The following SOCS2 variants were observed in gnomAD, a reference collection of about 807,000 sequenced individuals.
The protein encoded by SOCS2 is suppressor of cytokine signaling 2, also known as CIS-2.
In SOCS2, 10 loss-of-function variants were observed where a neutral mutation model predicts 18.6. The ratio of observed to expected loss-of-function variants is 0.54; its 90% confidence interval spans 0.33 to 0.91. The LOEUF (loss-of-function observed/expected upper bound fraction) is 0.91, where lower values mean the gene tolerates loss of function less well. SOCS2 is among the 40% of genes least tolerant of loss of function. The pLI is 0.02. For synonymous variants in SOCS2, 104 were observed against 104.0 expected (o/e 1.00, Z 0.00); for missense variants, 231 against 247.2 (o/e 0.93, Z 0.44).
the SOCS2 span, among the ~76,000 whole-genome samples, chr12:93,609,266 C>T: frequency 7.2e-5 from 11 of 152,158 alleles, no homozygotes; most frequent in Non-Finnish European, 1.5e-4. Context: ...GTGGTGTGTG[C>T]CTGTAATCCC....
At chr12:93,622,230 C>T in the SOCS2 span, among the ~76,000 whole-genome samples, 2 of 152,162 alleles carry the variant, frequency 1.3e-5, no homozygotes, top group Non-Finnish European at 1.5e-5. Context: ...AGGAATGCAC[C>T]TTGGTAGTGT....
At chr12:93,593,072 T>G in the SOCS2 span, among the ~76,000 whole-genome samples, 1 of 152,168 alleles carries the variant, frequency 6.6e-6, no homozygotes, top group Non-Finnish European at 1.5e-5. Flanking sequence ...TCTCCCCTTT[T>G]GTGTTTGTTT....
At chr12:93,570,165 G>C (rs1459261014), upstream of SOCS2, 1 of 152,296 alleles carries the variant, frequency 6.6e-6, no homozygotes, top group African/African-American at 2.4e-5. Flanking sequence ...TGAGGGAACC[G>C]AGGCCAGTCA....
At chr12:93,614,397 CTTTCTTTCTTTCTTTCTTTCTT>C in the SOCS2 span, among the ~76,000 whole-genome samples, 1 of 141,136 alleles carries the variant, frequency 7.1e-6, no homozygotes, top group South Asian at 2.3e-4. Flanking sequence ...TTCTTTCTTT[CTTTCTTTCTTTCTTTCTTTCTT>C]CCTTTCTTTC....
chr12:93,572,235 G>A (rs1206789587), upstream of SOCS2: 6 of 175,326 alleles, frequency 3.4e-5, no homozygotes, highest in Non-Finnish European at 2.4e-5. The surrounding 1 kb of genome is among the most constrained non-coding windows in gnomAD (Gnocchi z 5.0). Flanking sequence ...AACCAAGTTT[G>A]TGTGGGTGCT....
the SOCS2 span, among the ~76,000 whole-genome samples, chr12:93,623,053 G>C: frequency 6.6e-6 from 1 of 152,192 alleles, no homozygotes; most frequent in Admixed American, 6.5e-5. Context: ...ATAACCTGCA[G>C]CACTGATAGC....
chr12:93,577,700 G>A (rs1247049212), downstream of SOCS2, among the ~76,000 whole-genome samples: 1 of 151,792 alleles, frequency 6.6e-6, no homozygotes, highest in Non-Finnish European at 1.5e-5. Flanking sequence ...GTGCTCTGTG[G>A]GATTCTGGTC....
chr12:93,573,158 G>A, intron 1 of SOCS2, 122 bp downstream of exon 1: 4 of 1,296,866 alleles, frequency 3.1e-6, no homozygotes, highest in Non-Finnish European at 4.2e-6. Flanking sequence ...GCTTCCAAGG[G>A]ACCGCGGAGA....
chr12:93,572,444 C>T (rs1954289191), upstream of SOCS2: 1 of 356,150 alleles, frequency 2.8e-6, no homozygotes, highest in Non-Finnish European at 5.5e-6. This position sits in a 1 kb window ranked among gnomAD's most constrained non-coding sequence, Gnocchi z 5.0. Context: ...GGAAGACACC[C>T]TGTTCACCCT....
chr12:93,573,022 A>AGG lies in SOCS2; in HGVS notation c.126_127insGG (p.Leu43GlyfsTer12). The AGG allele has an allele frequency of 1.3e-6, 2 of 1,565,992 alleles. No individual in the cohort carries two copies. Among genetic ancestry groups the AGG allele is most frequent in the Non-Finnish European group, 1.7e-6 (2 of 1,159,898 alleles). ...GCGCGTCTGGCGAAGGCCCTGCGGG[A>AGG]GCTCGGTCAGACAGGTAGGGAGCCG... On this transcript the variant is annotated frameshift_variant, in exon 1 of 2. Coordinates refer to ENST00000551556, the MANE Select transcript of SOCS2 (RefSeq NM_001270471.2). LOFTEE classifies it high-confidence loss of function.
chr12:93,575,121 G>C lies in SOCS2; in HGVS notation c.539G>C (p.Gly180Ala), dbSNP rs1409778290. 1 of 1,596,170 alleles carries C rather than the reference G, an allele frequency of 6.3e-7. No individual in the cohort carries two copies. Among genetic ancestry groups the C allele is most frequent in the African/African-American group, 1.3e-5 (1 of 74,092 alleles). Reference protein sequence around the residue: ...TINKCTGAIWGLPLPTRLKDY... With the variant: ...TINKCTGAIWALPLPTRLKDY... ...AACAAATGTACCGGTGCCATCTGGG[G>C]ACTGCCTTTACCAACAAGACTAAAA... Residue 180 changes from glycine to alanine, a missense_variant, in exon 2 of 2, where the codon GGA (glycine) becomes GCA (alanine). Transcript: ENST00000551556.
chr12:93,597,268 C>T, the SOCS2 span, among the ~76,000 whole-genome samples: 1 of 152,138 alleles, frequency 6.6e-6, no homozygotes, highest in African/African-American at 2.4e-5. Flanking sequence ...ATAGTGACTC[C>T]CACATTCCTA....
chr12:93,599,867 C>A, the SOCS2 span, among the ~76,000 whole-genome samples: 10 of 152,296 alleles, frequency 6.6e-5, no homozygotes, highest in Non-Finnish European at 1.3e-4. Context: ...TTAGATTTCC[C>A]AGCCCATAGA....
the SOCS2 span, among the ~76,000 whole-genome samples, chr12:93,615,630 C>T: frequency 6.6e-6 from 1 of 152,244 alleles, no homozygotes; most frequent in African/African-American, 2.4e-5. Flanking sequence ...GAGTCTCGAT[C>T]TGTCACCCAG....
intron 1 of SOCS2, among the ~76,000 whole-genome samples, chr12:93,582,721 G>T (rs1954556890): frequency 6.6e-6 from 1 of 152,116 alleles, no homozygotes; most frequent in Non-Finnish European, 1.5e-5. Flanking sequence ...TGGAAAACTT[G>T]GGGTCCACTC....
chr12:93,587,290 C>G (rs1954590345), downstream of SOCS2, among the ~76,000 whole-genome samples: 1 of 152,220 alleles, frequency 6.6e-6, no homozygotes, highest in Admixed American at 6.5e-5. Flanking sequence ...ACGGAGGTCT[C>G]TGCAAAGAGC....
the SOCS2 span, among the ~76,000 whole-genome samples, chr12:93,592,689 T>G: frequency 5.9e-5 from 9 of 152,244 alleles, no homozygotes; most frequent in Non-Finnish European, 1.5e-5. Context: ...AAACAGCATA[T>G]TTTCCATTGA....
exon 2 of SOCS2, chr12:93,583,424 G>A (rs956093785): frequency 9.9e-5 from 15 of 152,256 alleles, no homozygotes; most frequent in African/African-American, 3.1e-4. Flanking sequence ...AAACAAAAAA[G>A]CTATAATATA....
chr12:93,605,700 G>A, the SOCS2 span, among the ~76,000 whole-genome samples: 1 of 152,172 alleles, frequency 6.6e-6, no homozygotes, highest in Non-Finnish European at 1.5e-5. Flanking sequence ...ACTTGAGTCA[G>A]GTAATGGGGA....
Sources: allele counts gnomAD v4.1 joint callset (sites outside exome capture counted in the v4.1 genomes callset), GRCh38; gene constraint gnomAD v4.1.1; non-coding constraint Gnocchi (gnomAD v3.1); transcripts MANE v1.5; gene names NCBI Gene and HGNC (gene_info 2026-07-23, HGNC 2026-07-21).